The following BIVM variants were observed in gnomAD, a reference collection of about 807,000 sequenced individuals.
BIVM encodes basic immunoglobulin-like variable motif-containing protein.
Under a neutral mutation model 61.4 loss-of-function variants are expected in BIVM, and 31 were observed. The observed-to-expected ratio is 0.51, with a 90% CI of 0.38 to 0.68. The LOEUF (loss-of-function observed/expected upper bound fraction) is 0.68, where lower values mean the gene tolerates loss of function less well. Among genes scored for constraint, BIVM ranks in the 30% least tolerant of loss-of-function variants. The pLI, the probability that BIVM is intolerant of heterozygous loss-of-function variation, is 0.00. For synonymous variants in BIVM, 189 were observed against 210.7 expected (o/e 0.90, Z 0.89); for missense variants, 526 against 596.0 (o/e 0.88, Z 1.22).
At chr13:102,821,647 AT>A in intron 5 of BIVM, 95 bp from the exon 6 acceptor site, 1 of 997,298 alleles carries the variant, frequency 1.0e-6, no homozygotes. Context: ...TACTAATATT[AT>A]TTGCAAATCA....
intron 7 of BIVM, among the ~76,000 whole-genome samples, chr13:102,828,481 T>G (rs1408984344): frequency 1.3e-5 from 2 of 152,228 alleles, no homozygotes; most frequent in African/African-American, 2.4e-5. Flanking sequence ...CCATGATTGT[T>G]GTTACCAGCT....
At chr13:102,820,544 T>A (rs915570360) in intron 4 of BIVM, 2 of 159,304 alleles carry the variant, frequency 1.3e-5, no homozygotes, top group Non-Finnish European at 2.7e-5. Flanking sequence ...TGTATTTCAC[T>A]TTTAAACTTC....
At chr13:102,827,922 T>C (rs1363967040) in intron 7 of BIVM, among the ~76,000 whole-genome samples, 1 of 152,218 alleles carries the variant, frequency 6.6e-6, no homozygotes. Context: ...GATTTCTCTC[T>C]GGGATGTTCA....
chr13:102,811,528 A>C (rs1879496211), intron 3 of BIVM, among the ~76,000 whole-genome samples: 1 of 152,142 alleles, frequency 6.6e-6, no homozygotes, highest in Non-Finnish European at 1.5e-5. Context: ...TGCAATTTTT[A>C]AATTTTTTAT....
chr13:102,828,764 C>G (rs527727990), intron 7 of BIVM, among the ~76,000 whole-genome samples: 1 of 152,230 alleles, frequency 6.6e-6, no homozygotes, highest in South Asian at 2.1e-4. Context: ...CATAGTGGCT[C>G]ACGCCTGTAA....
rs532303115 is a variant in BIVM at position 102,833,327 on chromosome 13, G to GTTTTTTTTTTTTTTTTTTTTTT, written c.1035-1121_1035-1120insTTTTTTTTTTTTTTTTTTTTTT. Among the ~76,000 whole-genome samples, 133 of 79,562 alleles carry GTTTTTTTTTTTTTTTTTTTTTT rather than the reference G, an allele frequency of 1.7e-3. 26 individuals carry two copies. The highest frequency in any genetic ancestry group is 2.8e-3 in the South Asian group (5 of 1,816). The allele number at this position is 79,562 out of a possible 152,430, so 52.2% of individuals were successfully genotyped here. On this transcript the variant is annotated intron_variant, in intron 8 of 10. Coordinates refer to ENST00000257336, the MANE Select transcript of BIVM (RefSeq NM_017693.4). ...TGGCTTGGTCATGGGGATAGGATGGGTTTTTTTTTTTTTTTTTTGAGACAA... is the reference window on the plus strand; with the variant it reads ...TGGCTTGGTCATGGGGATAGGATGGGTTTTTTTTTTTTTTTTTTTTTTTTTTTTTTTTTTTTTTTTGAGACAA...
rs566549875 is a variant in BIVM at position 102,802,926 on chromosome 13, T to C, written c.-206-2381T>C. Among the ~76,000 whole-genome samples, 14 of 152,088 alleles carry C rather than the reference T, an allele frequency of 9.2e-5. No individual in the cohort carries two copies. The South Asian group carries it at 2.9e-3, about 32-fold the overall frequency. On this transcript the variant is annotated intron_variant, in intron 1 of 10. Coordinates refer to ENST00000257336, the MANE Select transcript of BIVM (RefSeq NM_017693.4). ...GTGCCTGGCTCACACTGTTACTCTT[T>C]TTATTAATCTAGTGCTGTGTTCTAT...
intron 3 of BIVM, among the ~76,000 whole-genome samples, chr13:102,812,303 A>G (rs1879553514): frequency 6.6e-6 from 1 of 152,106 alleles, no homozygotes; most frequent in Non-Finnish European, 1.5e-5. Context: ...TGGCATCTTT[A>G]AGATAGTGGT....
At chr13:102,826,117 T>G (rs1427897119) in intron 7 of BIVM, among the ~76,000 whole-genome samples, 2 of 152,126 alleles carry the variant, frequency 1.3e-5, no homozygotes, top group African/African-American at 4.8e-5. Flanking sequence ...AAGAGAGAAT[T>G]TTGTTGTCCA....
intron 3 of BIVM, among the ~76,000 whole-genome samples, chr13:102,813,642 T>C (rs181294231): frequency 5.0e-4 from 76 of 152,360 alleles, no homozygotes; most frequent in African/African-American, 1.8e-3. Context: ...TCTATAATTT[T>C]GCATTGTATC....
chr13:102,838,176 C>A (rs1049481004), intron 9 of BIVM, among the ~76,000 whole-genome samples: 5 of 152,164 alleles, frequency 3.3e-5, no homozygotes, highest in Non-Finnish European at 5.9e-5. Context: ...TACAAAAATA[C>A]AATTGATTTT....
chr13:102,822,467 T>G lies in BIVM; in HGVS notation c.901+308T>G, dbSNP rs531655907. On this transcript the variant is annotated intron_variant, in intron 7 of 10. Coordinates refer to ENST00000257336, the MANE Select transcript of BIVM (RefSeq NM_017693.4). ...GTGTGTGTGTTTGTGTGTGTATGTA[T>G]GTGCGTGTGTACGCGCACATGCTAG... 1.8e-4 allele frequency among the ~76,000 whole-genome samples: 27 copies of G among 152,366 alleles called. No individual in the cohort carries two copies. In the South Asian group the frequency reaches 5.6e-3, roughly 32 times the overall value.
chr13:102,831,631 G>T lies in BIVM; in HGVS notation c.968G>T (p.Cys323Phe). The T allele has an allele frequency of 6.2e-7, 1 of 1,614,114 alleles. No individual in the cohort carries two copies. Among genetic ancestry groups the T allele is most frequent in the Non-Finnish European group, 8.5e-7 (1 of 1,180,014 alleles). ...KDESLAYIYHCQNHYFCPIGF... is the reference protein window; with the variant it reads ...KDESLAYIYHFQNHYFCPIGF... ...GAATCGCTGGCTTATATCTATCATT[G>T]CCAAAATCATTATTTTTGTCCAATT... Residue 323 changes from cysteine to phenylalanine, a missense_variant, in exon 8 of 11, where the codon TGC (cysteine) becomes TTC (phenylalanine). By Grantham distance (205) the Cys-to-Phe change is radical. Coordinates refer to ENST00000257336, the MANE Select transcript of BIVM (RefSeq NM_017693.4).
intron 2 of BIVM, among the ~76,000 whole-genome samples, chr13:102,806,700 C>T (rs1198908136): frequency 1.3e-5 from 2 of 151,916 alleles, no homozygotes; most frequent in Admixed American, 6.5e-5. Context: ...CACTTGAGGT[C>T]GGGATTTTGA....
intron 8 of BIVM, among the ~76,000 whole-genome samples, chr13:102,832,226 T>A (rs1451271981): frequency 6.6e-6 from 1 of 152,214 alleles, no homozygotes; most frequent in Non-Finnish European, 1.5e-5. Context: ...GGTCTCACTC[T>A]GTCATCCAGG....
In BIVM at chr13:102,827,924, G is replaced by C. The variant is rs111526040; in HGVS notation, c.902-3641G>C. Among the ~76,000 whole-genome samples the C allele has an allele frequency of 5.6e-3, 855 of 152,240 alleles. 9 individuals carry two copies. Among genetic ancestry groups the C allele is most frequent in the African/African-American group, 0.018 (734 of 41,536 alleles). ...AGATAGGCTTTCTGATTTCTCTCTG[G>C]GATGTTCACTGGTGAAAACCATTGT... On this transcript the variant is annotated intron_variant, in intron 7 of 10. Transcript: ENST00000257336.
chr13:102,826,585 G>C (rs1373572549), intron 7 of BIVM, among the ~76,000 whole-genome samples: 1 of 152,282 alleles, frequency 6.6e-6, no homozygotes, highest in Non-Finnish European at 1.5e-5. Flanking sequence ...TCACTGGAAC[G>C]AATGTCATAC....
chr13:102,838,780 G>A, intron 10 of BIVM, 41 bp downstream of exon 10: 1 of 1,577,090 alleles, frequency 6.3e-7, no homozygotes, highest in South Asian at 1.2e-5. Flanking sequence ...TTTCCCAGCT[G>A]ACCAAAATGT....
chr13:102,837,553 A>T (rs1042205341), intron 9 of BIVM, among the ~76,000 whole-genome samples: 22 of 152,204 alleles, frequency 1.4e-4, no homozygotes, highest in African/African-American at 5.3e-4. Flanking sequence ...CCCACTACTG[A>T]GTATCTGCCC....
Sources: allele counts gnomAD v4.1 joint callset (sites outside exome capture counted in the v4.1 genomes callset), GRCh38; gene constraint gnomAD v4.1.1; transcripts MANE v1.5; gene names NCBI Gene and HGNC (gene_info 2026-07-23, HGNC 2026-07-21).